Variants in LTBP2 observed in about 807,000 individuals in gnomAD.
LTBP2 encodes latent-transforming growth factor beta-binding protein 2.
A neutral mutation model predicts 210.6 loss-of-function variants in LTBP2; 103 were observed. That is an observed-to-expected ratio of 0.49 (90% CI 0.42 to 0.58). The LOEUF (loss-of-function observed/expected upper bound fraction) is 0.58, where lower values mean the gene tolerates loss of function less well. LTBP2 is among the 20% of genes least tolerant of loss of function. The pLI, the probability that LTBP2 is intolerant of heterozygous loss-of-function variation, is 0.00. For missense variants in LTBP2, 2,313 were observed against 2,494.5 expected, an observed-to-expected ratio of 0.93 and a Z score of 1.55; for synonymous variants, 1,007 against 1,015.0, an observed-to-expected ratio of 0.99 and a Z score of 0.15.
intron 6 of LTBP2, 34 bp from the exon 7 acceptor site, chr14:74,551,384 G>T: frequency 1.3e-6 from 2 of 1,520,638 alleles, no homozygotes; most frequent in Non-Finnish European, 1.8e-6. Flanking sequence ...AGCCAGGGAA[G>T]CAGGGCCCCA....
rs574219184 is a variant in LTBP2 at position 74,521,699 on chromosome 14, G to A, written c.2788+212C>T. ...ATTCCTTAGGGCCTTTGCAGAGATT[G>A]CTGGTTTTTGGATTTCTACCCCTCC... On this transcript the variant is annotated intron_variant, in intron 17 of 35. Transcript: ENST00000261978. 2.0e-5 allele frequency among the ~76,000 whole-genome samples: 3 copies of A among 152,244 alleles called. No individual in the cohort carries two copies. The South Asian group carries it at 6.2e-4, about 31-fold the overall frequency.
At position 74,516,910 on chromosome 14, in the gene LTBP2, G is replaced by A; in HGVS notation, c.2820C>T (p.Cys940=). The A allele has an allele frequency of 6.4e-7, 1 of 1,551,900 alleles. No individual in the cohort carries two copies. Among genetic ancestry groups the A allele is most frequent in the Non-Finnish European group, 8.7e-7 (1 of 1,147,112 alleles). Residue 940 remains cysteine, a synonymous_variant, in exon 18 of 36, where the codon TGC becomes TGT. Coordinates refer to ENST00000261978, the MANE Select transcript of LTBP2 (RefSeq NM_000428.3). ...CGGTGTTGGTGCACTGCCCCCCGCT[G>A]CACACCCCTGGCTGCTCACACTCAT... ...DINECEQPGV[C]SGGQCTNTEG...
rs1306157236 is a variant in LTBP2, at chr14:74,508,076, G to T, written c.3672C>A (p.Thr1224=). The change falls in exon 25 of 36, where the codon ACC becomes ACA. Residue 1224 remains threonine, a synonymous_variant. Transcript: ENST00000261978. ...TSCQDVDECA[T]TDPCVGGHCV... ...AGTGCCCTCCCACACACGGGTCTGT[G>T]GTGGCACACTCGTCCACATCTAGAG... 2 of 1,613,768 alleles carry T rather than the reference G, an allele frequency of 1.2e-6. No individual in the cohort carries two copies. The highest frequency in any genetic ancestry group is 4.5e-5 in the East Asian group (2 of 44,896).
chr14:74,610,326 G>A (rs907770061), intron 1 of LTBP2, among the ~76,000 whole-genome samples: 1 of 152,242 alleles, frequency 6.6e-6, no homozygotes, highest in Non-Finnish European at 1.5e-5. Context: ...GAAAGAGACA[G>A]AGCTCAATCC....
intron 8 of LTBP2, among the ~76,000 whole-genome samples, chr14:74,538,231 C>T (rs1257686691): frequency 6.6e-6 from 1 of 152,132 alleles, no homozygotes; most frequent in Non-Finnish European, 1.5e-5. Flanking sequence ...CACTTACACA[C>T]TTAGCGCAAG....
chr14:74,603,171 A>C lies in LTBP2; in HGVS notation c.565+464T>G, dbSNP rs933403011. 1.7e-4 allele frequency among the ~76,000 whole-genome samples: 26 copies of C among 152,218 alleles called. 3 individuals are homozygous for C. Among genetic ancestry groups the C allele is most frequent in the Admixed American group, 1.3e-3 (20 of 15,296 alleles). On this transcript the variant is annotated intron_variant, in intron 2 of 35. Coordinates refer to ENST00000261978, the MANE Select transcript of LTBP2 (RefSeq NM_000428.3). Reference sequence around the variant, plus strand: ...GAGAAGGAGTCTCGCTCTGTCGCCCAGTCTGGAGTGCAGTGGTGTGATCTT... The same window carrying C: ...GAGAAGGAGTCTCGCTCTGTCGCCCCGTCTGGAGTGCAGTGGTGTGATCTT...
intron 3 of LTBP2, among the ~76,000 whole-genome samples, chr14:74,557,498 C>A (rs1402755897): frequency 1.3e-5 from 2 of 152,204 alleles, no homozygotes; most frequent in Non-Finnish European, 2.9e-5. Flanking sequence ...ATGTTCTTTT[C>A]ACCTCCCTTC....
At chr14:74,522,681 C>A (rs2087221594) in intron 16 of LTBP2, 109 bp downstream of exon 16, 4 of 1,343,738 alleles carry the variant, frequency 3.0e-6, no homozygotes, top group Non-Finnish European at 4.0e-6. Flanking sequence ...ATCAACCACC[C>A]AGCACTGCTT....
Position 74,502,755 on chromosome 14 carries a change from C to CAGGCTCAGGGACGGT in LTBP2, c.5053_5067dup (p.Thr1685_Pro1689dup). ...GAGTGACCGGCTGTGTTGGGGAAGG[C>CAGGCTCAGGGACGGT]AGGCTCAGGGACGGTGTCCTCGGGG... On this transcript the variant is annotated inframe_insertion, in exon 34 of 36. Coordinates refer to ENST00000261978, the MANE Select transcript of LTBP2 (RefSeq NM_000428.3). The CAGGCTCAGGGACGGT allele has an allele frequency of 6.2e-7, 1 of 1,614,200 alleles. No individual in the cohort carries two copies. Among genetic ancestry groups the CAGGCTCAGGGACGGT allele is most frequent in the Non-Finnish European group, 8.5e-7 (1 of 1,180,038 alleles).
intron 8 of LTBP2, among the ~76,000 whole-genome samples, chr14:74,541,274 T>C (rs971684393): frequency 1.3e-5 from 2 of 152,148 alleles, no homozygotes; most frequent in African/African-American, 4.8e-5. Context: ...TCTTCATCAC[T>C]GTTATGTCTC....
intron 3 of LTBP2, among the ~76,000 whole-genome samples, chr14:74,562,601 C>A (rs2087809673): frequency 6.6e-6 from 1 of 151,810 alleles, no homozygotes; most frequent in African/African-American, 2.4e-5. Flanking sequence ...GAAAAATCAG[C>A]AAGGAATATG....
At chr14:74,573,273 G>C (rs995588023) in intron 3 of LTBP2, among the ~76,000 whole-genome samples, 1 of 152,214 alleles carries the variant, frequency 6.6e-6, no homozygotes, top group African/African-American at 2.4e-5. Context: ...TCATTGCAAA[G>C]TGGGAGTCAT....
At chr14:74,603,912 T>A (rs1252627720) in intron 1 of LTBP2, among the ~76,000 whole-genome samples, 3 of 152,054 alleles carry the variant, frequency 2.0e-5, no homozygotes, top group Admixed American at 6.5e-5. Context: ...ACTCTCTCCA[T>A]CTGTACAATG....
chr14:74,501,461 G>A lies in LTBP2; in HGVS notation c.5300C>T (p.Ala1767Val), dbSNP rs138556118. The change falls in exon 35 of 36, where the codon GCG becomes GTG. Residue 1767 changes from alanine to valine, a missense_variant. Physicochemically the swap from Ala to Val is moderately conservative, Grantham distance 64. This residue lies in a region of LTBP2 where 443 missense variants were observed against 501.4 expected (regional missense o/e 0.88). Coordinates refer to ENST00000261978, the MANE Select transcript of LTBP2 (RefSeq NM_000428.3). ...CDCFEGFQLD[A>V]AHMACVDVNE... Reference sequence around the variant, plus strand: ...CTTACCTACGCAGGCCATGTGGGCCGCATCCAGCTGGAAGCCCTCAAAACA... The same window carrying A: ...CTTACCTACGCAGGCCATGTGGGCCACATCCAGCTGGAAGCCCTCAAAACA... The A allele has an allele frequency of 6.2e-5, 100 of 1,614,002 alleles. No homozygotes were observed. The highest frequency in any genetic ancestry group is 4.1e-5 in the Non-Finnish European group (48 of 1,180,020).
intron 31 of LTBP2, 27 bp downstream of exon 31, chr14:74,503,899 G>C (rs553708013): frequency 1.9e-6 from 3 of 1,613,490 alleles, no homozygotes; most frequent in South Asian, 1.1e-5. Flanking sequence ...GGCCTGGGGT[G>C]GGGGCAGGGA....
intron 17 of LTBP2, among the ~76,000 whole-genome samples, chr14:74,519,471 T>C (rs1432844153): frequency 1.3e-5 from 2 of 151,568 alleles, no homozygotes; most frequent in Non-Finnish European, 2.9e-5. Flanking sequence ...AGATATTTAA[T>C]ATGTAAATAA....
intron 2 of LTBP2, among the ~76,000 whole-genome samples, chr14:74,599,414 T>G: frequency 6.6e-6 from 1 of 150,790 alleles, no homozygotes. Flanking sequence ...CCTTCCCCAG[T>G]TGGGGTGGGG....
intron 3 of LTBP2, among the ~76,000 whole-genome samples, chr14:74,574,543 A>G (rs532314277): frequency 9.2e-5 from 14 of 152,338 alleles, no homozygotes; most frequent in African/African-American, 3.4e-4. Flanking sequence ...ATCTAGCACA[A>G]TGCCTGAAAC....
chr14:74,564,035 TTATATATATATATTTATATATATATTTA>T (rs1566640321), intron 3 of LTBP2, among the ~76,000 whole-genome samples: 11 of 32,540 alleles, frequency 3.4e-4, no homozygotes, highest in Non-Finnish European at 4.7e-4. Context: ...ATATATATAT[TTATATATATATATTTATATATATATTTA>T]TATATATATA....
Sources: allele counts gnomAD v4.1 joint callset (sites outside exome capture counted in the v4.1 genomes callset), GRCh38; gene constraint gnomAD v4.1.1; regional missense constraint gnomAD v4.1.1; transcripts MANE v1.5; gene names NCBI Gene and HGNC (gene_info 2026-07-23, HGNC 2026-07-21).